UIMC1: variants seen among roughly 807,000 people sequenced by gnomAD.
The protein encoded by UIMC1 is ubiquitin interaction motif containing 1.
A neutral mutation model predicts 84.9 loss-of-function variants in UIMC1; 42 were observed. That is an observed-to-expected ratio of 0.49 (90% confidence interval 0.39 to 0.64). UIMC1 has a LOEUF of 0.64. Ranked by LOEUF, UIMC1 falls within the 30% of genes least tolerant of loss-of-function variation. UIMC1 has a pLI of 0.00. For missense variants in UIMC1, 825 were observed against 847.6 expected (o/e 0.97, Z 0.33); for synonymous variants, 281 against 293.0 (o/e 0.96, Z 0.42).
intron 1 of UIMC1, among the ~76,000 whole-genome samples, chr5:176,997,620 G>A (rs1773797689): frequency 6.7e-6 from 1 of 148,290 alleles, no homozygotes; most frequent in Non-Finnish European, 1.5e-5. Context: ...AGGAGACGGA[G>A]CTTGCAGTGA....
At chr5:177,000,012 G>A (rs963034420) in intron 1 of UIMC1, among the ~76,000 whole-genome samples, 1 of 152,186 alleles carries the variant, frequency 6.6e-6, no homozygotes. Flanking sequence ...AGGCGGGAGT[G>A]CAGTGGTGCC....
At chr5:176,979,420 A>C (rs1036156592) in intron 2 of UIMC1, among the ~76,000 whole-genome samples, 5 of 152,150 alleles carry the variant, frequency 3.3e-5, no homozygotes, top group African/African-American at 1.2e-4. Context: ...CAGCCTGGCC[A>C]ACATGGTGAA....
chr5:176,909,116 T>A (rs1055991620), intron 11 of UIMC1, among the ~76,000 whole-genome samples: 3 of 152,212 alleles, frequency 2.0e-5, no homozygotes, highest in Admixed American at 6.5e-5. Flanking sequence ...TTTACCAGGG[T>A]GGATGAACTT....
intron 4 of UIMC1, 52 bp from the exon 5 acceptor site, chr5:176,969,758 T>C (rs1164552182): frequency 3.3e-6 from 5 of 1,527,256 alleles, no homozygotes; most frequent in Admixed American, 1.8e-5. Flanking sequence ...AATAACTATA[T>C]ATGAAGGGTC....
intron 6 of UIMC1, among the ~76,000 whole-genome samples, chr5:176,960,060 T>C (rs954693916): frequency 6.6e-6 from 1 of 152,230 alleles, no homozygotes; most frequent in Admixed American, 6.5e-5. Flanking sequence ...GTGCTTCTAT[T>C]CAGTGCCAGG....
chr5:177,007,359 AAAG>A (rs1423859671), upstream of UIMC1, among the ~76,000 whole-genome samples: 17 of 151,720 alleles, frequency 1.1e-4, no homozygotes, highest in African/African-American at 3.9e-4. Flanking sequence ...AAAAAAAAAA[AAAG>A]GGAAAGAAAG....
intron 1 of UIMC1, among the ~76,000 whole-genome samples, chr5:176,988,679 A>ATT (rs377752493): frequency 2.4e-4 from 32 of 135,766 alleles, no homozygotes; most frequent in Non-Finnish European, 2.4e-4. Flanking sequence ...TGTTAGGTGA[A>ATT]TTTTTTTTTT....
At chr5:176,922,256 T>C (rs974812024) in intron 10 of UIMC1, among the ~76,000 whole-genome samples, 1 of 152,240 alleles carries the variant, frequency 6.6e-6, no homozygotes, top group Non-Finnish European at 1.5e-5. Context: ...TGCAGAACAG[T>C]ATCTGCGTTA....
rs569696319 is a variant in UIMC1, at chr5:176,966,391, GAACTC to G, written c.1200+2159_1200+2163del. On this transcript the variant is annotated intron_variant, in intron 6 of 14. Coordinates refer to ENST00000511320, the MANE Select transcript of UIMC1 (RefSeq NM_001199298.2). ...CACAAATTACTAAACACAAAAATCA[GAACTC>G]AACTCCAAATCCATGTTCTCTATTC... Among the ~76,000 whole-genome samples the G allele has an allele frequency of 1.4e-4, 21 of 152,266 alleles. No individual in the cohort carries two copies. In the East Asian group the frequency reaches 2.3e-3, roughly 17 times the overall value.
chr5:177,016,388 C>T (rs1775669804), intron 1 of UIMC1, among the ~76,000 whole-genome samples: 1 of 151,696 alleles, frequency 6.6e-6, no homozygotes, highest in Admixed American at 6.6e-5. Flanking sequence ...ACCAAACAAA[C>T]AAAATACTAT....
chr5:176,990,321 G>C (rs1772640210), intron 1 of UIMC1, among the ~76,000 whole-genome samples: 1 of 152,054 alleles, frequency 6.6e-6, no homozygotes. Flanking sequence ...GCCATGTGAA[G>C]ACACAGCAAG....
At chr5:176,997,028 G>A (rs1008755348) in intron 1 of UIMC1, among the ~76,000 whole-genome samples, 2 of 152,010 alleles carry the variant, frequency 1.3e-5, no homozygotes, top group Non-Finnish European at 2.9e-5. Context: ...ATGTGCACGC[G>A]TGCGCACACA....
At chr5:176,970,695 A>C in intron 4 of UIMC1, 47 bp downstream of exon 4, 1 of 1,613,310 alleles carries the variant, frequency 6.2e-7, no homozygotes, top group South Asian at 1.1e-5. Context: ...GAAGTCAAAA[A>C]TATAGCTGAT....
chr5:176,908,037 T>C (rs1759622919), intron 12 of UIMC1, among the ~76,000 whole-genome samples: 1 of 152,206 alleles, frequency 6.6e-6, no homozygotes, highest in Non-Finnish European at 1.5e-5. Context: ...CAAAATGATG[T>C]TTACACTACA....
At chr5:176,953,531 C>CACACACACACACACACACACACACACACA (rs58679830) in intron 8 of UIMC1, among the ~76,000 whole-genome samples, 9 of 150,668 alleles carry the variant, frequency 6.0e-5, no homozygotes, top group South Asian at 2.1e-4. Flanking sequence ...CACACACACA[C>CACACACACACACACACACACACACACACA]CTTATTGGAA....
At chr5:177,000,769 G>C (rs1358585786) in intron 1 of UIMC1, among the ~76,000 whole-genome samples, 1 of 151,940 alleles carries the variant, frequency 6.6e-6, no homozygotes, top group Non-Finnish European at 1.5e-5. Flanking sequence ...CAAAGTGCTG[G>C]GATTACAAGC....
At chr5:177,000,651 C>T (rs1010243525) in intron 1 of UIMC1, among the ~76,000 whole-genome samples, 11 of 151,878 alleles carry the variant, frequency 7.2e-5, no homozygotes, top group African/African-American at 2.7e-4. Flanking sequence ...CAGGCATGCA[C>T]CACCACGCCC....
chr5:177,003,993 T>G (rs1371598045), intron 1 of UIMC1, among the ~76,000 whole-genome samples: 1 of 152,130 alleles, frequency 6.6e-6, no homozygotes, highest in Non-Finnish European at 1.5e-5. Flanking sequence ...CAAGCCCAGC[T>G]AATTTTTTGT....
chr5:176,922,201 G>T (rs1386507612), intron 10 of UIMC1, among the ~76,000 whole-genome samples: 1 of 152,164 alleles, frequency 6.6e-6, no homozygotes, highest in East Asian at 1.9e-4. Flanking sequence ...AAAAAGGTAA[G>T]CTTTATAAGA....
Sources: gnomAD v4.1 joint callset for allele counts (sites outside exome capture counted in the v4.1 genomes callset) on GRCh38, gnomAD v4.1.1 for gene constraint, MANE v1.5 for transcripts, NCBI Gene and HGNC (gene_info 2026-07-23, HGNC 2026-07-21) for gene names.